PM20D1: variants seen among roughly 807,000 people sequenced by gnomAD.
PM20D1 encodes N-fatty-acyl-amino acid synthase/hydrolase PM20D1.
In PM20D1, 53 loss-of-function variants were observed where a neutral mutation model predicts 53.8. The ratio of observed to expected loss-of-function variants is 0.98; its 90% CI spans 0.79 to 1.24. The LOEUF is 1.24. PM20D1 is among the 50% of genes most tolerant of loss of function. The pLI, the probability that PM20D1 is intolerant of heterozygous loss-of-function variation, is 0.00. For synonymous variants in PM20D1, 239 were observed against 241.3 expected (o/e 0.99, Z 0.09); for missense variants, 564 against 616.8 (o/e 0.91, Z 0.91).
Position 205,830,185 on chromosome 1 carries a change from C to T in PM20D1, c.1385+95G>A, listed in dbSNP as rs536723644. The T allele has an allele frequency of 5.2e-6, 5 of 970,424 alleles. No individual in the cohort carries two copies. The Admixed American group carries it at 8.0e-5, about 16-fold the overall frequency. The allele number at this position is 970,424 out of a possible 1,614,324, so 60.1% of individuals were successfully genotyped here. A position where few individuals can be genotyped will look rare whatever the true frequency, so the allele number is the denominator to read the frequency against. On this transcript the variant is annotated intron_variant, in intron 12 of 12. Coordinates refer to ENST00000367136, the MANE Select transcript of PM20D1 (RefSeq NM_152491.5). ...ATTTTGCCAAATCCTGGCTTTCCCC[C>T]TGATTCTGTGGACTGCCAGGAGCAT...
intron 4 of PM20D1, 57 bp downstream of exon 4, chr1:205,844,754 C>G (rs1656906476): frequency 2.0e-6 from 3 of 1,526,202 alleles, no homozygotes; most frequent in Non-Finnish European, 2.7e-6. Context: ...GGGTTAAGCA[C>G]CCACTCCCCT....
chr1:205,840,712 C>T lies in PM20D1; in HGVS notation c.1045-389G>A, dbSNP rs373982697. ...CTGCAGCTGTTAACATTAGTGCTTA[C>T]TCACGATGGGGCAGCCAGAGCCTCT... On this transcript the variant is annotated intron_variant, in intron 9 of 12. Coordinates refer to ENST00000367136, the MANE Select transcript of PM20D1 (RefSeq NM_152491.5). Among the ~76,000 whole-genome samples, 6 of 152,214 alleles carry T rather than the reference C, an allele frequency of 3.9e-5. No homozygotes were observed. In the South Asian group the frequency reaches 1.2e-3, roughly 32 times the overall value.
intron 9 of PM20D1, among the ~76,000 whole-genome samples, chr1:205,841,312 G>C (rs903185062): frequency 1.3e-5 from 2 of 152,116 alleles, no homozygotes; most frequent in Non-Finnish European, 2.9e-5. Context: ...GACAGAGCTG[G>C]GCTGTTGCAA....
intron 7 of PM20D1, 67 bp downstream of exon 7, chr1:205,842,609 A>G (rs985104025): frequency 1.1e-5 from 16 of 1,510,390 alleles, no homozygotes; most frequent in African/African-American, 1.4e-5. Flanking sequence ...TTCTTACTCT[A>G]AAGGTTACTT....
At position 205,842,205 on chromosome 1, in the gene PM20D1, G is replaced by A; in HGVS notation, c.914C>T (p.Pro305Leu). 1 of 1,612,964 alleles carries A rather than the reference G, an allele frequency of 6.2e-7. No homozygotes were observed. Among genetic ancestry groups the A allele is most frequent in the Non-Finnish European group, 8.5e-7 (1 of 1,178,944 alleles). Residue 305 changes from proline to leucine, a missense_variant, in exon 8 of 13, where the codon CCT becomes CTT. Transcript: ENST00000367136. ...LQQLANEFPFPVNIILSNPWL... is the reference protein window; with the variant it reads ...LQQLANEFPFLVNIILSNPWL... Reference sequence around the variant, plus strand: ...TGGGTTGCTCAGGATTATATTGACAGGGAAGGGAAACTGGGAAAGAACAAG... The same window carrying A: ...TGGGTTGCTCAGGATTATATTGACAAGGAAGGGAAACTGGGAAAGAACAAG...
chr1:205,841,977 G>T (rs1364968805), intron 8 of PM20D1, 88 bp from the exon 9 acceptor site: 2 of 1,331,732 alleles, frequency 1.5e-6, no homozygotes, highest in Non-Finnish European at 2.1e-6. Flanking sequence ...CCTGAACCTT[G>T]GGGATCTTTA....
Position 205,828,652 on chromosome 1 carries a change from G to C in PM20D1, c.1477C>G (p.Gln493Glu). 6.2e-7 allele frequency: 1 copy of C among 1,614,174 alleles called. No individual in the cohort carries two copies. The highest frequency in any genetic ancestry group is 1.1e-5 in the South Asian group (1 of 91,080). Residue 493 changes from glutamine (Q) to glutamate (E), a missense_variant, in exon 13 of 13, where the codon CAG becomes GAG. Physicochemically the swap from Gln to Glu is conservative, Grantham distance 29. Coordinates refer to ENST00000367136, the MANE Select transcript of PM20D1 (RefSeq NM_152491.5). Reference sequence around the variant, plus strand: ...TTGTGCAGGTGAGAAACTGGCTCCTGGTCTGTGTCAGCATTCTGAATCAAC... The same window carrying C: ...TTGTGCAGGTGAGAAACTGGCTCCTCGTCTGTGTCAGCATTCTGAATCAAC... ...FELIQNADTD[Q>E]EPVSHLHKL is the part of the protein sequence containing the mutation.
rs1401637316 is a variant in PM20D1 at position 205,850,090 on chromosome 1, G to A, written c.-18C>T. 39 of 1,607,642 alleles carry A rather than the reference G, an allele frequency of 2.4e-5. No homozygotes were observed. Among genetic ancestry groups the A allele is most frequent in the Middle Eastern group, 1.7e-4 (1 of 5,870 alleles). On this transcript the variant is annotated 5_prime_UTR_variant, in exon 1 of 13. Coordinates refer to ENST00000367136, the MANE Select transcript of PM20D1 (RefSeq NM_152491.5). ...TGAGCCATGCTTCTCTCGAGCTCCT[G>A]CTGTCAGGCTACCGGGGTAGTTCTG...
intron 10 of PM20D1, among the ~76,000 whole-genome samples, chr1:205,835,548 A>C (rs1656665144): frequency 7.1e-6 from 1 of 140,888 alleles, no homozygotes; most frequent in African/African-American, 2.6e-5. Context: ...GCTGCTCGGG[A>C]GGCTGAGGCA....
chr1:205,838,525 G>A (rs1343896577), intron 10 of PM20D1, among the ~76,000 whole-genome samples: 1 of 152,118 alleles, frequency 6.6e-6, no homozygotes, highest in Admixed American at 6.5e-5. Flanking sequence ...TTAAACTGAT[G>A]TTTGTAGCAG....
chr1:205,837,614 G>A (rs1229952233), intron 10 of PM20D1, among the ~76,000 whole-genome samples: 1 of 152,218 alleles, frequency 6.6e-6, no homozygotes, highest in Non-Finnish European at 1.5e-5. Context: ...GGGCTGGAGG[G>A]AGAGGAGTAA....
intron 11 of PM20D1, among the ~76,000 whole-genome samples, chr1:205,832,072 T>C (rs900633855): frequency 1.3e-5 from 2 of 152,126 alleles, no homozygotes; most frequent in East Asian, 1.9e-4. Context: ...CACTCTTAGA[T>C]TGGAGAACCA....
In PM20D1 at chr1:205,830,328, C is replaced by A; in HGVS notation, c.1337G>T (p.Gly446Val). 1 of 1,613,108 alleles carries A rather than the reference C, an allele frequency of 6.2e-7. No homozygotes were observed. Among genetic ancestry groups the A allele is most frequent in the East Asian group, 2.2e-5 (1 of 44,870 alleles). ...GTAGATGGGGTAGAACCTGTAGATG[C>A]CAGTGGTGAGGTTTGTAAAGAATCG... ...DSRFFTNLTT[G>V]IYRFYPIYIQ... Residue 446 changes from glycine (G) to valine (V), a missense_variant, in exon 12 of 13, where the codon GGC becomes GTC. By Grantham distance (109) the Gly-to-Val change is moderately radical. Coordinates refer to ENST00000367136, the MANE Select transcript of PM20D1 (RefSeq NM_152491.5).
chr1:205,847,651 G>A (rs1263578638), intron 2 of PM20D1, among the ~76,000 whole-genome samples: 2 of 151,928 alleles, frequency 1.3e-5, no homozygotes, highest in Non-Finnish European at 2.9e-5. Context: ...CACATGTAGG[G>A]CAAAATTTGA....
chr1:205,841,161 T>C (rs1013092019), intron 9 of PM20D1, among the ~76,000 whole-genome samples: 1 of 152,174 alleles, frequency 6.6e-6, no homozygotes, highest in African/African-American at 2.4e-5. Context: ...TCTGACTTTT[T>C]TGCCTGACCA....
At chr1:205,841,914 A>G (rs1028028470) in intron 8 of PM20D1, 25 bp from the exon 9 acceptor site, 17 of 1,547,346 alleles carry the variant, frequency 1.1e-5, no homozygotes. Flanking sequence ...CCAAGGTCAG[A>G]TGTTAGAAAG....
At chr1:205,848,021 T>C (rs1394290370) in intron 1 of PM20D1, 50 bp from the exon 2 acceptor site, 1 of 1,559,746 alleles carries the variant, frequency 6.4e-7, no homozygotes, top group Non-Finnish European at 8.8e-7. Context: ...TAGTCATTGT[T>C]TTTTTCTACA....
intron 11 of PM20D1, among the ~76,000 whole-genome samples, chr1:205,832,174 G>A (rs1242051471): frequency 1.3e-5 from 2 of 152,158 alleles, no homozygotes; most frequent in African/African-American, 4.8e-5. Context: ...GCTGGGAAAC[G>A]TAAATTAGGT....
At position 205,832,677 on chromosome 1, in the gene PM20D1, A is replaced by G. The variant is rs752395936; in HGVS notation, c.1206T>C (p.Ser402=). Residue 402 remains serine (S), a synonymous_variant, in exon 11 of 13, where the codon TCT becomes TCC. Coordinates refer to ENST00000367136, the MANE Select transcript of PM20D1 (RefSeq NM_152491.5). ...SAFDPLPVSP[S]DDKALGYQLL... is the part of the protein sequence containing the mutation. ...GCTGGTAGCCCAAGGCCTTGTCATCAGAAGGGCTGACGGGGAGGGGGTCAA... is the reference window on the plus strand; with the variant it reads ...GCTGGTAGCCCAAGGCCTTGTCATCGGAAGGGCTGACGGGGAGGGGGTCAA... The G allele has an allele frequency of 6.2e-7, 1 of 1,614,186 alleles. No individual in the cohort carries two copies. Among genetic ancestry groups the G allele is most frequent in the Non-Finnish European group, 8.5e-7 (1 of 1,180,020 alleles).
Sources: allele counts gnomAD v4.1 joint callset (sites outside exome capture counted in the v4.1 genomes callset), GRCh38; gene constraint gnomAD v4.1.1; transcripts MANE v1.5; gene names NCBI Gene and HGNC (gene_info 2026-07-23, HGNC 2026-07-21).